The following CDK3 variants were observed in gnomAD, a reference collection of about 807,000 sequenced individuals.
CDK3 encodes the protein cyclin-dependent kinase 3.
In CDK3, 24 loss-of-function variants were observed where a neutral mutation model predicts 30.2. That is an observed-to-expected ratio of 0.79 (90% CI 0.57 to 1.12). The LOEUF (loss-of-function observed/expected upper bound fraction) is 1.12, where lower values mean the gene tolerates loss of function less well. Ranked by LOEUF, CDK3 falls within the 50% of genes most tolerant of loss-of-function variation. The pLI is 0.00. For synonymous variants in CDK3, 158 were observed against 154.2 expected (o/e 1.02, Z -0.18); for missense variants, 345 against 376.0 (o/e 0.92, Z 0.68).
intron 6 of CDK3, 166 bp from the exon 7 acceptor site, chr17:76,003,029 A>G (rs1272683412): frequency 1.5e-6 from 1 of 679,130 alleles, no homozygotes; most frequent in African/African-American, 1.8e-5. Context: ...GGTACTGGCT[A>G]AAGGACTGAG....
chr17:76,001,543 T>C lies in CDK3; in HGVS notation c.116+2T>C. Reference sequence around the variant, plus strand: ...CCTGAAGAAGATCAGACTGGATTTGTGAGTGCTGGGACGGCCCCTGAGTTA... The same window carrying C: ...CCTGAAGAAGATCAGACTGGATTTGCGAGTGCTGGGACGGCCCCTGAGTTA... On this transcript the variant is annotated splice_donor_variant, in intron 2 of 7. Coordinates refer to ENST00000448471, the MANE Select transcript of CDK3 (RefSeq NM_001258.4). LOFTEE classifies it high-confidence loss of function. The surrounding 1 kb of genome is among the most constrained non-coding windows in gnomAD (Gnocchi z 6.2). 1 of 1,613,254 alleles carries C rather than the reference T, an allele frequency of 6.2e-7. No homozygotes were observed. The highest frequency in any genetic ancestry group is 8.5e-7 in the Non-Finnish European group (1 of 1,179,416).
Position 76,002,418 on chromosome 17 carries a change from G to T in CDK3, c.486G>T (p.Glu162Asp), listed in dbSNP as rs766594851. The stretch of plus-strand genomic sequence containing the variant: ...TGCCCCTGCGCACCTACACCCATGA[G>T]GTATTGTGAGACAAAGAGGAGAGAG... ...FGVPLRTYTH[E>D]VVTLWYRAPE... The change falls in exon 5 of 8, where the codon GAG becomes GAT. Residue 162 changes from glutamate (E) to aspartate (D), a missense_variant and splice_region_variant. Transcript: ENST00000448471. The surrounding 1 kb of genome is among the most constrained non-coding windows in gnomAD (Gnocchi z 4.3). The T allele has an allele frequency of 1.9e-6, 3 of 1,612,498 alleles. No homozygotes were observed. The highest frequency in any genetic ancestry group is 1.7e-5 in the Admixed American group (1 of 59,960).
rs1272888238 is a variant in CDK3, at chr17:76,002,016, T to C, written c.195-6T>C. On this transcript the variant is annotated splice_polypyrimidine_tract_variant and splice_region_variant and intron_variant, in intron 3 of 7. Transcript: ENST00000448471. The surrounding 1 kb of genome is among the most constrained non-coding windows in gnomAD (Gnocchi z 4.3). The stretch of plus-strand genomic sequence containing the variant: ...GGTAGCATCCTGACTGCCATCTCCC[T>C]GTCAGACTGCTGGACGTGGTGCACA... The C allele has an allele frequency of 6.2e-7, 1 of 1,614,002 alleles. No individual in the cohort carries two copies. Among genetic ancestry groups the C allele is most frequent in the African/African-American group, 1.3e-5 (1 of 74,920 alleles).
chr17:76,004,219 G>GTTTTTGTTTT (rs1555622993), intron 7 of CDK3, among the ~76,000 whole-genome samples: 10 of 92,322 alleles, frequency 1.1e-4, no homozygotes, highest in African/African-American at 3.5e-4. Flanking sequence ...AGAACCGTCT[G>GTTTTTGTTTT]TTTTTTTTTT....
rs2066305486 is a variant in CDK3, at chr17:76,005,398, ATG to A, written c.896_897del (p.Val299AlafsTer61). ...GAGCCCTCCCCAGCTGCCCGCCAGT[ATG>A]TGCTGCAGCGATTCCGCCATTGAGA... is the stretch of plus-strand genomic sequence containing the variant. On this transcript the variant is annotated frameshift_variant, in exon 8 of 8. Transcript: ENST00000448471. LOFTEE classifies it high-confidence loss of function. The surrounding 1 kb of genome is among the most constrained non-coding windows in gnomAD (Gnocchi z 4.7). 6.2e-7 allele frequency: 1 copy of A among 1,613,886 alleles called. No homozygotes were observed. The highest frequency in any genetic ancestry group is 1.3e-5 in the African/African-American group (1 of 74,914).
rs1248067917 is a variant in CDK3, at chr17:76,002,000, C to G, written c.195-22C>G. The G allele has an allele frequency of 6.2e-7, 1 of 1,613,968 alleles. No homozygotes were observed. The highest frequency in any genetic ancestry group is 8.5e-7 in the Non-Finnish European group (1 of 1,179,990). On this transcript the variant is annotated intron_variant, in intron 3 of 7. Coordinates refer to ENST00000448471, the MANE Select transcript of CDK3 (RefSeq NM_001258.4). This position sits in a 1 kb window ranked among gnomAD's most constrained non-coding sequence, Gnocchi z 6.2. ...AAGCTGGGATGGCGAAGGTAGCATC[C>G]TGACTGCCATCTCCCTGTCAGACTG...
Position 76,005,975 on chromosome 17 carries a change from T to G in CDK3, c.*552T>G, listed in dbSNP as rs1135531. On this transcript the variant is annotated 3_prime_UTR_variant, in exon 8 of 8. Coordinates refer to ENST00000448471, the MANE Select transcript of CDK3 (RefSeq NM_001258.4). The surrounding 1 kb of genome is among the most constrained non-coding windows in gnomAD (Gnocchi z 4.7). ...TGGTTCATTTCTGGCTTGACAACAATAAATAAACGTGGTATGTTCCTGAGT... is the reference window on the plus strand; with the variant it reads ...TGGTTCATTTCTGGCTTGACAACAAGAAATAAACGTGGTATGTTCCTGAGT... The G allele has an allele frequency of 0.81, 123,078 of 152,842 alleles. 50,168 individuals carry two copies. The highest frequency in any genetic ancestry group is 0.93 in the African/African-American group (38,578 of 41,504). 9.5% of individuals were successfully genotyped at this position (152,842 alleles called of 1,614,324 possible). A position where few individuals can be genotyped will look rare whatever the true frequency, so the allele number is the denominator to read the frequency against.
intron 7 of CDK3, 44 bp downstream of exon 7, chr17:76,003,442 C>A (rs755640298): frequency 1.1e-5 from 17 of 1,521,438 alleles, no homozygotes; most frequent in Middle Eastern, 2.3e-4. Context: ...CTACAGTTTC[C>A]CCTCATCAGC....
At chr17:76,003,482 G>C in intron 7 of CDK3, 84 bp downstream of exon 7, 1 of 1,133,624 alleles carries the variant, frequency 8.8e-7, no homozygotes, top group Non-Finnish European at 1.3e-6. Flanking sequence ...GGCACTTTCT[G>C]AGTCCAAGGC....
rs1173759897 is a variant in CDK3, at chr17:76,002,057, A to G, written c.230A>G (p.Tyr77Cys). ...GTGGTGCACAACGAGAGGAAGCTCTATCTGGTGTTTGAGTTCCTCAGCCAG... is the reference window on the plus strand; with the variant it reads ...GTGGTGCACAACGAGAGGAAGCTCTGTCTGGTGTTTGAGTTCCTCAGCCAG... ...LDVVHNERKL[Y>C]LVFEFLSQDL... Residue 77 changes from tyrosine to cysteine, a missense_variant, in exon 4 of 8, where the codon TAT (tyrosine) becomes TGT (cysteine). Transcript: ENST00000448471. The surrounding 1 kb of genome is among the most constrained non-coding windows in gnomAD (Gnocchi z 4.3). 3.7e-6 allele frequency: 6 copies of G among 1,613,852 alleles called. No individual in the cohort carries two copies. The highest frequency in any genetic ancestry group is 2.2e-5 in the East Asian group (1 of 44,860).
chr17:76,000,918 C>A lies in CDK3; in HGVS notation c.-64C>A. 2 of 1,057,926 alleles carry A rather than the reference C, an allele frequency of 1.9e-6. No individual in the cohort carries two copies. Among genetic ancestry groups the A allele is most frequent in the South Asian group, 3.0e-5 (1 of 33,754 alleles). The allele number at this position is 1,057,926 out of a possible 1,614,324, so 65.5% of individuals were successfully genotyped here. A position where few individuals can be genotyped will look rare whatever the true frequency, so the allele number is the denominator to read the frequency against. On this transcript the variant is annotated 5_prime_UTR_variant, in exon 1 of 8. Transcript: ENST00000448471. The surrounding 1 kb of genome is among the most constrained non-coding windows in gnomAD (Gnocchi z 5.9). The stretch of plus-strand genomic sequence containing the variant: ...TGGCCCCTGGGCAGCCCTTCCTGGC[C>A]GCCATGTGTACCCAGAGCCTGGGAC...
In CDK3 at chr17:76,000,893, TGGC is replaced by T; in HGVS notation, c.-88_-86del. 9.5e-7 allele frequency: 1 copy of T among 1,055,238 alleles called. No individual in the cohort carries two copies. The highest frequency in any genetic ancestry group is 1.7e-5 in the African/African-American group (1 of 58,408). The allele number at this position is 1,055,238 out of a possible 1,614,324, so 65.4% of individuals were successfully genotyped here. ...CCCTGACCTCTGCCCCCAGTGGCCCTGGCCCCTGGGCAGCCCTTCCTGGCCGCC... is the reference window on the plus strand; with the variant it reads ...CCCTGACCTCTGCCCCCAGTGGCCCTCCCTGGGCAGCCCTTCCTGGCCGCC... On this transcript the variant is annotated 5_prime_UTR_variant, in exon 1 of 8. Transcript: ENST00000448471. This position sits in a 1 kb window ranked among gnomAD's most constrained non-coding sequence, Gnocchi z 5.9.
In CDK3 at chr17:76,001,542, G is replaced by A. The variant is rs1347706747; in HGVS notation, c.116+1G>A. ...CCCTGAAGAAGATCAGACTGGATTT[G>A]TGAGTGCTGGGACGGCCCCTGAGTT... On this transcript the variant is annotated splice_donor_variant, in intron 2 of 7. Transcript: ENST00000448471. LOFTEE classifies it high-confidence loss of function. The surrounding 1 kb of genome is among the most constrained non-coding windows in gnomAD (Gnocchi z 6.2). 1 of 1,613,342 alleles carries A rather than the reference G, an allele frequency of 6.2e-7. No individual in the cohort carries two copies. Among genetic ancestry groups the A allele is most frequent in the Admixed American group, 1.7e-5 (1 of 59,998 alleles).
chr17:76,002,667 G>A lies in CDK3; in HGVS notation c.588+55G>A, dbSNP rs1440598261. 1.3e-6 allele frequency: 1 copy of A among 776,678 alleles called. No individual in the cohort carries two copies. The highest frequency in any genetic ancestry group is 1.4e-5 in the South Asian group (1 of 73,634). 48.1% of individuals were successfully genotyped at this position (776,678 alleles called of 1,614,324 possible). ...GTGCCACAGGCAGGGTCCTACTGGG[G>A]TTGGGTGGGGTCCACTGATGCTCCC... On this transcript the variant is annotated intron_variant, in intron 6 of 7. Transcript: ENST00000448471. This position sits in a 1 kb window ranked among gnomAD's most constrained non-coding sequence, Gnocchi z 4.3.
rs1463093529 is a variant in CDK3 at position 76,002,912 on chromosome 17, T to C, written c.589-283T>C. ...TACTTGGGAGGTTGAGGCAGGAGGA[T>C]TGCTTGAGCCTGTGGTTGAGGCTGC... On this transcript the variant is annotated intron_variant, in intron 6 of 7. Coordinates refer to ENST00000448471, the MANE Select transcript of CDK3 (RefSeq NM_001258.4). The surrounding 1 kb of genome is among the most constrained non-coding windows in gnomAD (Gnocchi z 4.3). The C allele has an allele frequency of 3.1e-5, 17 of 541,588 alleles. No individual in the cohort carries two copies. Among genetic ancestry groups the C allele is most frequent in the Non-Finnish European group, 5.3e-5 (16 of 302,078 alleles). The allele number at this position is 541,588 out of a possible 1,614,324, so 33.5% of individuals were successfully genotyped here.
chr17:76,002,388 CG>C lies in CDK3; in HGVS notation c.460del (p.Val154CysfsTer11). ...CTGACTTCGGCCTGGCTCGCGCCTT[CG>C]GGGTGCCCCTGCGCACCTACACCCA... is the stretch of plus-strand genomic sequence containing the variant. ...LADFGLARAF[G>X]VPLRTYTHEV... is the part of the protein sequence containing the mutation. On this transcript the variant is annotated frameshift_variant, in exon 5 of 8. Transcript: ENST00000448471. LOFTEE classifies it high-confidence loss of function. This position sits in a 1 kb window ranked among gnomAD's most constrained non-coding sequence, Gnocchi z 4.3. 1 of 1,612,288 alleles carries C rather than the reference CG, an allele frequency of 6.2e-7. No homozygotes were observed. Among genetic ancestry groups the C allele is most frequent in the Non-Finnish European group, 8.5e-7 (1 of 1,179,942 alleles).
rs928172965 is a variant in CDK3, at chr17:76,000,869, C to T, written c.-113C>T. ...CTGTGGCTTTAAGACCCTCCTGACC[C>T]CTGACCTCTGCCCCCAGTGGCCCTG... On this transcript the variant is annotated 5_prime_UTR_variant, in exon 1 of 8. Coordinates refer to ENST00000448471, the MANE Select transcript of CDK3 (RefSeq NM_001258.4). The surrounding 1 kb of genome is among the most constrained non-coding windows in gnomAD (Gnocchi z 5.9). 1.7e-5 allele frequency: 18 copies of T among 1,044,420 alleles called. No individual in the cohort carries two copies. In the African/African-American group the frequency reaches 2.9e-4, roughly 17 times the overall value. 64.7% of individuals were successfully genotyped at this position (1,044,420 alleles called of 1,614,324 possible).
chr17:76,005,356 C>T lies in CDK3; in HGVS notation c.851C>T (p.Pro284Leu), dbSNP rs567961585. The change falls in exon 8 of 8, where the codon CCG (proline) becomes CTG (leucine). Residue 284 changes from proline to leucine, a missense_variant. By Grantham distance (98) the Pro-to-Leu change is moderately conservative (BLOSUM62 -3). Transcript: ENST00000448471. This position sits in a 1 kb window ranked among gnomAD's most constrained non-coding sequence, Gnocchi z 4.7. Reference sequence around the variant, plus strand: ...ACAGCCAAGACTGCCCTGGCCCACCCGTACTTCTCATCCCCTGAGCCCTCC... The same window carrying T: ...ACAGCCAAGACTGCCCTGGCCCACCTGTACTTCTCATCCCCTGAGCCCTCC... ...RITAKTALAH[P>L]YFSSPEPSPA... 3 of 1,614,112 alleles carry T rather than the reference C, an allele frequency of 1.9e-6. No individual in the cohort carries two copies. Among genetic ancestry groups the T allele is most frequent in the Non-Finnish European group, 2.5e-6 (3 of 1,179,984 alleles).
At position 76,001,937 on chromosome 17, in the gene CDK3, C is replaced by T. The variant is rs763130017; in HGVS notation, c.180C>T (p.His60=). Residue 60 remains histidine, a synonymous_variant, in exon 3 of 8, where the codon CAC becomes CAT. Coordinates refer to ENST00000448471, the MANE Select transcript of CDK3 (RefSeq NM_001258.4). This position sits in a 1 kb window ranked among gnomAD's most constrained non-coding sequence, Gnocchi z 6.2. ...REISLLKELK[H]PNIVRLLDVV... ...TCTCGCTGCTCAAGGAACTGAAGCA[C>T]CCCAACATCGTCCGGTGAGTTGGGG... 8.7e-6 allele frequency: 14 copies of T among 1,613,818 alleles called. No homozygotes were observed. In the Admixed American group the frequency reaches 1.8e-4, roughly 21 times the overall value.
Sources: gnomAD v4.1 joint callset for allele counts (sites outside exome capture counted in the v4.1 genomes callset) on GRCh38, gnomAD v4.1.1 for gene constraint, Gnocchi (gnomAD v3.1) non-coding constraint, MANE v1.5 for transcripts, NCBI Gene and HGNC (gene_info 2026-07-23, HGNC 2026-07-21) for gene names.